The following ADARB2 variants were observed in gnomAD, a reference collection of about 807,000 sequenced individuals.
ADARB2 encodes inactive double-stranded RNA-specific editase B2.
Under a neutral mutation model 62.2 loss-of-function variants are expected in ADARB2, and 25 were observed. The observed-to-expected ratio is 0.40, with a 90% CI of 0.29 to 0.56. The LOEUF (loss-of-function observed/expected upper bound fraction) is 0.56, where lower values mean the gene tolerates loss of function less well. Ranked by LOEUF, ADARB2 falls within the 20% of genes least tolerant of loss-of-function variation. ADARB2 has a pLI of 0.43. For synonymous variants in ADARB2, 572 were observed against 500.8 expected (o/e 1.14, Z -1.90); for missense variants, 1,071 against 1,077.4 (o/e 0.99, Z 0.08).
intron 1 of ADARB2, among the ~76,000 whole-genome samples, chr10:1,586,046 G>T (rs533502228): frequency 6.6e-6 from 1 of 151,904 alleles, no homozygotes; most frequent in Admixed American, 6.6e-5. Flanking sequence ...ACAAACAAAC[G>T]AACAAAAAAC....
intron 1 of ADARB2, among the ~76,000 whole-genome samples, chr10:1,406,290 G>A (rs1471548779): frequency 6.6e-6 from 1 of 152,210 alleles, no homozygotes; most frequent in African/African-American, 2.4e-5. Flanking sequence ...GGCTCAGGCA[G>A]GGAGCTGAAG....
chr10:1,327,877 T>A (rs55861352), intron 3 of ADARB2, among the ~76,000 whole-genome samples: 3,065 of 46,428 alleles, frequency 0.066, 615 homozygotes, highest in African/African-American at 0.21. Context: ...TCCTCACAGC[T>A]CAGCGCCTCC....
At chr10:1,487,607 T>C (rs1322132132) in intron 1 of ADARB2, among the ~76,000 whole-genome samples, 1 of 152,196 alleles carries the variant, frequency 6.6e-6, no homozygotes, top group Non-Finnish European at 1.5e-5. Flanking sequence ...ACTTGGGATA[T>C]CTGACTTATT....
At chr10:1,511,738 G>C (rs1227868018) in intron 1 of ADARB2, among the ~76,000 whole-genome samples, 1 of 151,570 alleles carries the variant, frequency 6.6e-6, no homozygotes, top group African/African-American at 2.4e-5. Flanking sequence ...TGTCTACACT[G>C]GATACCAAGA....
Position 1,713,991 on chromosome 10 carries a change from ACT to A in ADARB2, c.100+23058_100+23059del, listed in dbSNP as rs1834983695. ...TTAGTTCCTTGTTTTGCATAAAGAGACTCTGTGTGTGATTTCACTTAAAAGAT... is the reference window on the plus strand; with the variant it reads ...TTAGTTCCTTGTTTTGCATAAAGAGACTGTGTGTGATTTCACTTAAAAGAT... On this transcript the variant is annotated intron_variant, in intron 1 of 9. Coordinates refer to ENST00000381312, the MANE Select transcript of ADARB2 (RefSeq NM_018702.4). Among the ~76,000 whole-genome samples the A allele has an allele frequency of 2.6e-5, 4 of 152,206 alleles. 1 individual carries two copies. Among genetic ancestry groups the A allele is most frequent in the African/African-American group, 7.2e-5 (3 of 41,530 alleles).
chr10:1,674,298 G>T (rs1201008980), intron 1 of ADARB2, among the ~76,000 whole-genome samples: 1 of 152,212 alleles, frequency 6.6e-6, no homozygotes, highest in Admixed American at 6.5e-5. Context: ...CCAGTCCTAC[G>T]GGTGTGACTT....
intron 1 of ADARB2, among the ~76,000 whole-genome samples, chr10:1,691,899 A>ATGTGTGTG (rs57984302): frequency 4.0e-5 from 6 of 150,484 alleles, no homozygotes; most frequent in African/African-American, 7.3e-5. Flanking sequence ...TCATTACTAA[A>ATGTGTGTG]TGTGTGTGTG....
intron 1 of ADARB2, among the ~76,000 whole-genome samples, chr10:1,385,131 C>T (rs375322397): frequency 6.6e-6 from 1 of 152,064 alleles, no homozygotes. Context: ...TAATAAACTA[C>T]CCTTGGTCAG....
rs1831056700 is a variant in ADARB2 at position 1,452,916 on chromosome 10, C to A, written c.101-73756G>T. On this transcript the variant is annotated intron_variant, in intron 1 of 9. Transcript: ENST00000381312. ...AGTGGCTCTCCACATCAGTGTGTGACAGTCACCAGGCTTTGTCACAATGCA... is the reference window on the plus strand; with the variant it reads ...AGTGGCTCTCCACATCAGTGTGTGAAAGTCACCAGGCTTTGTCACAATGCA... 2.6e-5 allele frequency among the ~76,000 whole-genome samples: 4 copies of A among 152,318 alleles called. No individual in the cohort carries two copies. In the South Asian group the frequency reaches 8.3e-4, roughly 32 times the overall value.
intron 1 of ADARB2, among the ~76,000 whole-genome samples, chr10:1,530,990 G>T (rs769616363): frequency 6.6e-6 from 1 of 152,172 alleles, no homozygotes; most frequent in Non-Finnish European, 1.5e-5. Context: ...CAGGTCAGTC[G>T]TTGCTTCTTC....
intron 1 of ADARB2, among the ~76,000 whole-genome samples, chr10:1,480,996 G>A (rs1831463109): frequency 6.6e-6 from 1 of 152,276 alleles, no homozygotes; most frequent in East Asian, 1.9e-4. Flanking sequence ...GAAGGGCCTT[G>A]AATGGTCAAA....
At chr10:1,337,127 G>T in intron 3 of ADARB2, among the ~76,000 whole-genome samples, 1 of 151,194 alleles carries the variant, frequency 6.6e-6, no homozygotes, top group Non-Finnish European at 1.5e-5. Flanking sequence ...TTTTCCAAAG[G>T]TCACTTAATT....
chr10:1,447,661 C>A (rs57363737), intron 1 of ADARB2, among the ~76,000 whole-genome samples: 27 of 151,946 alleles, frequency 1.8e-4, no homozygotes, highest in Non-Finnish European at 1.5e-5. Flanking sequence ...GTTTGCTGTA[C>A]GGATTGTAAT....
intron 1 of ADARB2, among the ~76,000 whole-genome samples, chr10:1,538,028 C>G (rs1175785748): frequency 6.6e-6 from 1 of 152,198 alleles, no homozygotes; most frequent in African/African-American, 2.4e-5. Context: ...GAACTGCAAG[C>G]AGTAGCTCCT....
chr10:1,548,812 C>G (rs957222629), intron 1 of ADARB2, among the ~76,000 whole-genome samples: 2 of 152,324 alleles, frequency 1.3e-5, no homozygotes, highest in Middle Eastern at 3.4e-3. Flanking sequence ...GCCAGGACAC[C>G]TGGCGAGTTA....
intron 1 of ADARB2, among the ~76,000 whole-genome samples, chr10:1,576,085 G>C (rs1298637864): frequency 3.6e-4 from 35 of 96,874 alleles, no homozygotes; most frequent in Non-Finnish European, 4.5e-4. Flanking sequence ...ACAGGAGGGG[G>C]CTCAGGGCCA....
At chr10:1,529,182 C>A (rs71500116) in intron 1 of ADARB2, among the ~76,000 whole-genome samples, 1 of 80,920 alleles carries the variant, frequency 1.2e-5, no homozygotes, top group Non-Finnish European at 3.0e-5. Context: ...AATCAGTCCA[C>A]GCACCATGCC....
chr10:1,717,798 GA>G (rs1453384404), intron 1 of ADARB2, among the ~76,000 whole-genome samples: 9 of 151,962 alleles, frequency 5.9e-5, no homozygotes, highest in African/African-American at 1.7e-4. Context: ...GGCTGGTCTT[GA>G]ACTCTTGACC....
At chr10:1,590,046 T>C (rs1286506219) in intron 1 of ADARB2, among the ~76,000 whole-genome samples, 1 of 152,032 alleles carries the variant, frequency 6.6e-6, no homozygotes, top group African/African-American at 2.4e-5. Context: ...CCTGAGAGAG[T>C]GTCCAGGCCC....
Sources: allele counts gnomAD v4.1 joint callset (sites outside exome capture counted in the v4.1 genomes callset), GRCh38; gene constraint gnomAD v4.1.1; transcripts MANE v1.5; gene names NCBI Gene and HGNC (gene_info 2026-07-23, HGNC 2026-07-21).